The following CHMP2A variants were observed in gnomAD, a reference collection of about 807,000 sequenced individuals.
CHMP2A encodes the protein charged multivesicular body protein 2A.
Under a neutral mutation model 21.8 loss-of-function variants are expected in CHMP2A, and 6 were observed. The observed-to-expected ratio is 0.28, with a 90% CI of 0.15 to 0.54. The LOEUF is 0.54. CHMP2A is among the 20% of genes least tolerant of loss of function. The pLI is 0.95. For synonymous variants in CHMP2A, 125 were observed against 107.0 expected, an observed-to-expected ratio of 1.17 and a Z score of -1.04; for missense variants, 303 against 293.9, an observed-to-expected ratio of 1.03 and a Z score of -0.23.
intron 2 of CHMP2A, 183 bp downstream of exon 2, chr19:58,553,862 C>G: frequency 1.4e-6 from 1 of 704,062 alleles, no homozygotes; most frequent in Non-Finnish European, 2.5e-6. Context: ...ATCACTCAAG[C>G]CTTGGATCTC....
At position 58,554,183 on chromosome 19, in the gene CHMP2A, C is replaced by T. The variant is rs1156292291; in HGVS notation, c.30G>A (p.Thr10=). The part of the protein sequence containing the change: MDLLFGRRK[T]PEELLRQNQR... ...GGTTCTGCCGCAGTAGCTCCTCTGGCGTCTTCCGGCGCCCGAACAATAGGT... is the reference window on the plus strand; with the variant it reads ...GGTTCTGCCGCAGTAGCTCCTCTGGTGTCTTCCGGCGCCCGAACAATAGGT... Residue 10 remains threonine, a synonymous_variant, in exon 2 of 6, where the codon ACG becomes ACA. Transcript: ENST00000312547. 3.1e-6 allele frequency: 5 copies of T among 1,613,644 alleles called. No homozygotes were observed. The highest frequency in any genetic ancestry group is 4.2e-6 in the Non-Finnish European group (5 of 1,179,906).
Position 58,554,060 on chromosome 19 carries a change from G to C in CHMP2A, c.153C>G (p.Ala51=), listed in dbSNP as rs1488671223. 3.1e-6 allele frequency: 5 copies of C among 1,613,916 alleles called. No homozygotes were observed. The highest frequency in any genetic ancestry group is 1.1e-5 in the South Asian group (1 of 91,082). Residue 51 remains alanine, a synonymous_variant, in exon 2 of 6, where the codon GCC becomes GCG. Transcript: ENST00000312547. The stretch of plus-strand genomic sequence containing the variant: ...CCACACTCACCATCTGGCCTTGCTT[G>C]GCCATCTTCTTAATGTCTGCAATGA... ...KKIIADIKKM[A]KQGQMDAVRI...
intron 2 of CHMP2A, among the ~76,000 whole-genome samples, chr19:58,553,047 T>C (rs962239674): frequency 1.3e-5 from 2 of 151,430 alleles, no homozygotes; most frequent in Non-Finnish European, 2.9e-5. Flanking sequence ...CCATAGCTTA[T>C]AGCTTACCCT....
In CHMP2A at chr19:58,552,330, G is replaced by T. The variant is rs1568666405; in HGVS notation, c.277C>A (p.Leu93Ile). The change falls in exon 3 of 6, where the codon CTC (leucine) becomes ATC (isoleucine). Residue 93 changes from leucine to isoleucine, a missense_variant. By Grantham distance (5) the Leu-to-Ile change is conservative (BLOSUM62 2). Transcript: ENST00000312547. ...TGTGCCATCGAGTTGTTGGACTTGAGTGTCTGGATCTTGAGGGACACAGCC... is the reference window on the plus strand; with the variant it reads ...TGTGCCATCGAGTTGTTGGACTTGATTGTCTGGATCTTGAGGGACACAGCC... The part of the protein sequence containing the change: ...IQAVSLKIQT[L>I]KSNNSMAQAM... 7 of 1,614,222 alleles carry T rather than the reference G, an allele frequency of 4.3e-6. No individual in the cohort carries two copies. The highest frequency in any genetic ancestry group is 5.9e-6 in the Non-Finnish European group (7 of 1,180,042).
At chr19:58,553,542 T>G (rs1600088556) in intron 2 of CHMP2A, among the ~76,000 whole-genome samples, 2 of 150,948 alleles carry the variant, frequency 1.3e-5, no homozygotes, top group East Asian at 3.9e-4. Flanking sequence ...TGGCTAGTTT[T>G]TTTTATTTTC....
Position 58,554,083 on chromosome 19 carries a change from T to C in CHMP2A, c.130A>G (p.Ile44Val), listed in dbSNP as rs778055563. ...QKLETQEKKI[I>V]ADIKKMAKQG... ...TTGGCCATCTTCTTAATGTCTGCAA[T>C]GATTTTCTTCTCCTGGGTCTCTAGT... is the stretch of plus-strand genomic sequence containing the variant. The change falls in exon 2 of 6, where the codon ATT becomes GTT. Residue 44 changes from isoleucine to valine, a missense_variant. Coordinates refer to ENST00000312547, the MANE Select transcript of CHMP2A (RefSeq NM_014453.4). 20 of 1,614,148 alleles carry C rather than the reference T, an allele frequency of 1.2e-5. No homozygotes were observed. The South Asian group carries it at 2.0e-4, about 16-fold the overall frequency.
At chr19:58,552,652 G>C (rs542583732) in intron 2 of CHMP2A, among the ~76,000 whole-genome samples, 1 of 152,104 alleles carries the variant, frequency 6.6e-6, no homozygotes, top group Middle Eastern at 3.2e-3. Flanking sequence ...GGGCTCCTTT[G>C]TAAGGTCCTC....
Position 58,552,093 on chromosome 19 carries a change from A to G in CHMP2A, c.441T>C (p.Ile147=), listed in dbSNP as rs772727152. The change falls in exon 4 of 6, where the codon ATT becomes ATC. Residue 147 remains isoleucine, a synonymous_variant. Transcript: ENST00000312547. Reference sequence around the variant, plus strand: ...CTTCCTCATCACCCATGGCATCATCAATGGCATCATTCATCATCTCCTCCT... The same window carrying G: ...CTTCCTCATCACCCATGGCATCATCGATGGCATCATTCATCATCTCCTCCT... ...DMKEEMMNDA[I]DDAMGDEEDE... is the part of the protein sequence containing the mutation. 6.2e-7 allele frequency: 1 copy of G among 1,614,034 alleles called. No homozygotes were observed. Among genetic ancestry groups the G allele is most frequent in the South Asian group, 1.1e-5 (1 of 91,080 alleles).
At chr19:58,553,930 C>G in intron 2 of CHMP2A, 115 bp downstream of exon 2, 9 of 1,388,054 alleles carry the variant, frequency 6.5e-6, no homozygotes, top group South Asian at 1.2e-5. Flanking sequence ...CCCTGCTGAC[C>G]TTTCACTCCA....
intron 1 of CHMP2A, 132 bp from the exon 2 acceptor site, chr19:58,554,368 A>C: frequency 1.3e-6 from 1 of 746,682 alleles, no homozygotes. Flanking sequence ...GAGGAGCCAA[A>C]AGGGAGCAGC....
At chr19:58,553,015 C>G (rs1166522417) in intron 2 of CHMP2A, among the ~76,000 whole-genome samples, 1 of 152,084 alleles carries the variant, frequency 6.6e-6, no homozygotes, top group Non-Finnish European at 1.5e-5. Flanking sequence ...CTGGTTCCGG[C>G]TGTCTCTTAC....
chr19:58,553,771 C>T (rs2053860036), intron 2 of CHMP2A: 4 of 447,592 alleles, frequency 8.9e-6, no homozygotes, highest in Non-Finnish European at 1.2e-5. Flanking sequence ...TGTCATCTCC[C>T]ATTTTTTTGA....
chr19:58,553,961 T>A, intron 2 of CHMP2A, 84 bp downstream of exon 2: 1 of 1,553,694 alleles, frequency 6.4e-7, no homozygotes, highest in Admixed American at 1.7e-5. Flanking sequence ...TGAAAGCACC[T>A]GTGTTTGGTG....
chr19:58,553,696 C>G, intron 2 of CHMP2A: 1 of 325,210 alleles, frequency 3.1e-6, no homozygotes, highest in South Asian at 2.7e-5. Context: ...AACCTTCCAA[C>G]TTAGCTCCCA....
rs1240320789 is a variant in CHMP2A, at chr19:58,554,206, G to A, written c.7C>T (p.Leu3=). The A allele has an allele frequency of 6.2e-7, 1 of 1,610,356 alleles. No homozygotes were observed. Among genetic ancestry groups the A allele is most frequent in the East Asian group, 2.2e-5 (1 of 44,820 alleles). The change falls in exon 2 of 6, where the codon CTA becomes TTA. Residue 3 remains leucine, a synonymous_variant. Transcript: ENST00000312547. The part of the protein sequence containing the change: MD[L]LFGRRKTPEE... ...GGCGTCTTCCGGCGCCCGAACAATA[G>A]GTCCATGATGGTAGAAGCTCACTGG...
chr19:58,552,007 G>C (rs371487340), intron 4 of CHMP2A, 40 bp from the exon 5 acceptor site: 6 of 1,614,160 alleles, frequency 3.7e-6, no homozygotes, highest in Non-Finnish European at 5.1e-6. Flanking sequence ...TATGCACTCC[G>C]TGAGGGCCAG....
rs199503745 is a variant in CHMP2A at position 58,551,978 on chromosome 19, G to A, written c.480-11C>T. ...GACACCACAGCATCACTAGGGAAGAGAGAGAACTCAGTGAGGGCTATGCAC... is the reference window on the plus strand; with the variant it reads ...GACACCACAGCATCACTAGGGAAGAAAGAGAACTCAGTGAGGGCTATGCAC... On this transcript the variant is annotated splice_polypyrimidine_tract_variant and intron_variant, in intron 4 of 5. Coordinates refer to ENST00000312547, the MANE Select transcript of CHMP2A (RefSeq NM_014453.4). The A allele has an allele frequency of 6.2e-7, 1 of 1,614,158 alleles. No homozygotes were observed. Among genetic ancestry groups the A allele is most frequent in the East Asian group, 2.2e-5 (1 of 44,878 alleles).
rs771008916 is a variant in CHMP2A, at chr19:58,551,813, G to A, written c.542-37C>T. ...GTGGGGGTTTGAGCAGGTGGGGTCAGGCAGCGGAGGGGAGTAATGCAGGGA... is the reference window on the plus strand; with the variant it reads ...GTGGGGGTTTGAGCAGGTGGGGTCAAGCAGCGGAGGGGAGTAATGCAGGGA... On this transcript the variant is annotated intron_variant, in intron 5 of 5. Coordinates refer to ENST00000312547, the MANE Select transcript of CHMP2A (RefSeq NM_014453.4). The A allele has an allele frequency of 1.5e-5, 25 of 1,614,090 alleles. No individual in the cohort carries two copies. The East Asian group carries it at 5.3e-4, about 35-fold the overall frequency.
At chr19:58,552,791 C>T (rs1023074310) in intron 2 of CHMP2A, among the ~76,000 whole-genome samples, 3 of 152,208 alleles carry the variant, frequency 2.0e-5, no homozygotes, top group Non-Finnish European at 4.4e-5. Context: ...TATTCCCAGC[C>T]TAGACAAAGA....
Sources: allele counts gnomAD v4.1 joint callset (sites outside exome capture counted in the v4.1 genomes callset), GRCh38; gene constraint gnomAD v4.1.1; transcripts MANE v1.5; gene names NCBI Gene and HGNC (gene_info 2026-07-23, HGNC 2026-07-21).